Variants in MACROD2 observed in about 807,000 individuals in gnomAD.
MACROD2 encodes the protein ADP-ribose glycohydrolase MACROD2.
Under a neutral mutation model 70.4 loss-of-function variants are expected in MACROD2, and 36 were observed. The ratio of observed to expected loss-of-function variants is 0.51; its 90% CI spans 0.39 to 0.68. The LOEUF is 0.68. Among genes scored for constraint, MACROD2 ranks in the 30% least tolerant of loss-of-function variants. MACROD2 has a pLI of 0.00. For synonymous variants in MACROD2, 172 were observed against 178.8 expected, an observed-to-expected ratio of 0.96 and a Z score of 0.30; for missense variants, 496 against 538.4, an observed-to-expected ratio of 0.92 and a Z score of 0.78.
At chr20:15,041,591 C>A (rs1235367490) in intron 5 of MACROD2, among the ~76,000 whole-genome samples, 1 of 151,952 alleles carries the variant, frequency 6.6e-6, no homozygotes, top group Non-Finnish European at 1.5e-5. Context: ...ACCAACACAC[C>A]CATCACACCC....
intron 8 of MACROD2, among the ~76,000 whole-genome samples, chr20:15,502,842 T>C (rs547475612): frequency 6.6e-6 from 1 of 152,306 alleles, no homozygotes; most frequent in African/African-American, 2.4e-5. Context: ...TTTGTACGTC[T>C]TGAGTCAGCA....
chr20:15,045,008 G>A (rs1253232885), intron 5 of MACROD2, among the ~76,000 whole-genome samples: 1 of 152,038 alleles, frequency 6.6e-6, no homozygotes, highest in African/African-American at 2.4e-5. Context: ...AGTCATATGT[G>A]GTTCAAAACA....
chr20:15,682,060 G>A (rs2146859775), intron 8 of MACROD2, among the ~76,000 whole-genome samples: 1 of 152,230 alleles, frequency 6.6e-6, no homozygotes, highest in Admixed American at 6.5e-5. Flanking sequence ...CACCTGTTTT[G>A]TCAATCCTGT....
intron 6 of MACROD2, among the ~76,000 whole-genome samples, chr20:15,428,358 C>A (rs2046325141): frequency 6.6e-6 from 1 of 152,108 alleles, no homozygotes; most frequent in Non-Finnish European, 1.5e-5. Flanking sequence ...ACATACAACC[C>A]AAAAATGTGC....
At chr20:15,884,999 C>T (rs929964834) in intron 9 of MACROD2, among the ~76,000 whole-genome samples, 2 of 152,074 alleles carry the variant, frequency 1.3e-5, no homozygotes, top group Non-Finnish European at 2.9e-5. Context: ...ATCTAATCAA[C>T]TTCCAAAGGC....
chr20:14,374,798 T>C (rs531193861), intron 3 of MACROD2, among the ~76,000 whole-genome samples: 117 of 152,282 alleles, frequency 7.7e-4, no homozygotes, highest in African/African-American at 2.6e-3. Flanking sequence ...CCTATTAATT[T>C]ATGGCTAACC....
At chr20:14,857,100 A>G (rs1027622156) in intron 5 of MACROD2, among the ~76,000 whole-genome samples, 1 of 152,112 alleles carries the variant, frequency 6.6e-6, no homozygotes, top group African/African-American at 2.4e-5. Flanking sequence ...CTCACTCAAG[A>G]TTCATCCAGT....
intron 4 of MACROD2, among the ~76,000 whole-genome samples, chr20:14,542,858 A>G (rs1030449552): frequency 2.0e-5 from 3 of 152,236 alleles, no homozygotes; most frequent in Non-Finnish European, 4.4e-5. Flanking sequence ...GCAATTAAAT[A>G]TGACAATTTT....
At position 15,232,888 on chromosome 20, in the gene MACROD2, T is replaced by G. The variant is rs556681027; in HGVS notation, c.540+2827T>G. Among the ~76,000 whole-genome samples, 7 of 152,236 alleles carry G rather than the reference T, an allele frequency of 4.6e-5. No individual in the cohort carries two copies. The East Asian group carries it at 1.4e-3, about 29-fold the overall frequency. ...TTATTTTACCAAAAGAATAGATTCT[T>G]CAAATATTTTTAATGGATGTAAGAC... On this transcript the variant is annotated intron_variant, in intron 6 of 17. Transcript: ENST00000684519.
intron 3 of MACROD2, among the ~76,000 whole-genome samples, chr20:14,245,752 A>T (rs1320638390): frequency 1.3e-5 from 2 of 152,128 alleles, no homozygotes; most frequent in African/African-American, 4.8e-5. Flanking sequence ...GAGTGGGATC[A>T]TTGTCCTGTT....
intron 5 of MACROD2, among the ~76,000 whole-genome samples, chr20:15,098,429 C>G (rs2076881809): frequency 1.3e-5 from 2 of 152,110 alleles, no homozygotes. Flanking sequence ...CATTTTCATT[C>G]TGATATGGAG....
At chr20:15,202,529 T>C (rs2076665470) in intron 5 of MACROD2, among the ~76,000 whole-genome samples, 2 of 152,178 alleles carry the variant, frequency 1.3e-5, no homozygotes. Flanking sequence ...TCTAAATGCC[T>C]TGTTGGAATT....
At chr20:15,010,373 G>A (rs1201350802) in intron 5 of MACROD2, among the ~76,000 whole-genome samples, 1 of 152,184 alleles carries the variant, frequency 6.6e-6, no homozygotes, top group Non-Finnish European at 1.5e-5. Context: ...GCACAGAGCA[G>A]TAGAAAGCAC....
intron 10 of MACROD2, among the ~76,000 whole-genome samples, chr20:15,925,663 C>T (rs905489976): frequency 6.6e-6 from 1 of 152,198 alleles, no homozygotes; most frequent in Non-Finnish European, 1.5e-5. Context: ...ACTTGACTCT[C>T]TGCTTACCAT....
chr20:14,436,740 C>A (rs538308602), intron 3 of MACROD2, among the ~76,000 whole-genome samples: 2 of 152,334 alleles, frequency 1.3e-5, no homozygotes, highest in East Asian at 3.9e-4. Flanking sequence ...TATCAACCAA[C>A]TGTCTAGTAT....
intron 5 of MACROD2, among the ~76,000 whole-genome samples, chr20:15,017,876 G>A (rs780746182): frequency 3.9e-5 from 6 of 152,220 alleles, no homozygotes; most frequent in Non-Finnish European, 7.3e-5. Context: ...GGTGCACACA[G>A]CATGGGGACC....
At chr20:15,260,145 A>G (rs190114667) in intron 6 of MACROD2, among the ~76,000 whole-genome samples, 144 of 151,938 alleles carry the variant, frequency 9.5e-4, no homozygotes, top group Middle Eastern at 6.8e-3. Context: ...GAACATTCCA[A>G]TGGCACTCTT....
chr20:15,096,268 AG>A (rs1420110251), intron 5 of MACROD2, among the ~76,000 whole-genome samples: 1 of 151,986 alleles, frequency 6.6e-6, no homozygotes, highest in African/African-American at 2.4e-5. Flanking sequence ...AGTCCCCTGC[AG>A]GGTACTCTAG....
At chr20:14,986,456 T>G (rs942767812) in intron 5 of MACROD2, among the ~76,000 whole-genome samples, 1 of 152,174 alleles carries the variant, frequency 6.6e-6, no homozygotes, top group African/African-American at 2.4e-5. Flanking sequence ...AGACTTTATC[T>G]TCCCAAAACA....
Sources: gnomAD v4.1 joint callset for allele counts (sites outside exome capture counted in the v4.1 genomes callset) on GRCh38, gnomAD v4.1.1 for gene constraint, MANE v1.5 for transcripts, NCBI Gene and HGNC (gene_info 2026-07-23, HGNC 2026-07-21) for gene names.